The following MTCL1 variants were observed in gnomAD, a reference collection of about 807,000 sequenced individuals.
MTCL1 encodes the protein microtubule crosslinking factor 1.
MTCL1 carries 79 observed loss-of-function variants against 141.4 expected under a neutral mutation model. The observed-to-expected ratio is 0.56, with a 90% CI of 0.47 to 0.67. The LOEUF (loss-of-function observed/expected upper bound fraction) is 0.67, where lower values mean the gene tolerates loss of function less well. MTCL1 is among the 30% of genes least tolerant of loss of function. MTCL1 has a pLI of 0.00. For missense variants in MTCL1, 2,177 were observed against 2,113.9 expected, an observed-to-expected ratio of 1.03 and a Z score of -0.59; for synonymous variants, 914 against 875.8, an observed-to-expected ratio of 1.04 and a Z score of -0.77.
chr18:8,718,090 T>TAGA, intron 2 of MTCL1: 3 of 709,310 alleles, frequency 4.2e-6, no homozygotes, highest in South Asian at 3.2e-5. Context: ...TAGGTCAATG[T>TAGA]TTGGTTTGAA....
chr18:8,728,190 A>G (rs567400154), intron 4 of MTCL1, among the ~76,000 whole-genome samples: 2 of 152,268 alleles, frequency 1.3e-5, no homozygotes, highest in South Asian at 4.1e-4. Context: ...GCTTGTTTAG[A>G]TTAATTTACA....
chr18:8,832,437 A>T (rs1339167057), exon 17 of MTCL1: 1 of 154,166 alleles, frequency 6.5e-6, no homozygotes, highest in Non-Finnish European at 1.4e-5. Flanking sequence ...TATGATCCTT[A>T]TATTATCCTA....
At chr18:8,821,812 C>A (rs2144403450) in intron 14 of MTCL1, among the ~76,000 whole-genome samples, 1 of 152,252 alleles carries the variant, frequency 6.6e-6, no homozygotes, top group African/African-American at 2.4e-5. Flanking sequence ...CCTCTCTTTT[C>A]TCATTTAAAG....
At chr18:8,726,482 A>C (rs1157509147) in intron 4 of MTCL1, among the ~76,000 whole-genome samples, 1 of 114,794 alleles carries the variant, frequency 8.7e-6, no homozygotes, top group Non-Finnish European at 1.7e-5. Context: ...GGAGAGAGAG[A>C]GAGAGAGAGA....
At chr18:8,706,832 C>A in intron 1 of MTCL1, 119 bp downstream of exon 1, 2 of 1,444,820 alleles carry the variant, frequency 1.4e-6, no homozygotes, top group Non-Finnish European at 1.8e-6. Flanking sequence ...CTGCTCTCCA[C>A]GGTCCTACCC....
intron 7 of MTCL1, 44 bp downstream of exon 6, chr18:8,786,135 T>A: frequency 3.4e-6 from 3 of 879,532 alleles, no homozygotes; most frequent in Non-Finnish European, 2.8e-6. Context: ...CTCCCCCTCC[T>A]TTTTCTGTGT....
intron 6 of MTCL1, among the ~76,000 whole-genome samples, chr18:8,785,222 G>A (rs1025862512): frequency 7.9e-5 from 12 of 152,144 alleles, no homozygotes; most frequent in Non-Finnish European, 1.5e-4. Flanking sequence ...TGAAGAAGCC[G>A]TGAGGAGGCT....
exon 17 of MTCL1, chr18:8,832,032 T>C (rs972535836): frequency 5.6e-5 from 33 of 584,730 alleles, no homozygotes; most frequent in Non-Finnish European, 8.7e-5. Flanking sequence ...CAGAAAACTA[T>C]TTTTGTCTCC....
At chr18:8,767,813 A>G (rs1483119687) in intron 4 of MTCL1, among the ~76,000 whole-genome samples, 1 of 152,224 alleles carries the variant, frequency 6.6e-6, no homozygotes, top group African/African-American at 2.4e-5. Context: ...ATCTATAAAC[A>G]AAAACATAAA....
intron 4 of MTCL1, among the ~76,000 whole-genome samples, chr18:8,761,416 G>A (rs1301680304): frequency 1.3e-5 from 2 of 152,090 alleles, no homozygotes; most frequent in Non-Finnish European, 2.9e-5. Flanking sequence ...ACAGTGTTGG[G>A]CAACCATCAC....
chr18:8,762,793 A>G (rs1326401699), intron 4 of MTCL1, among the ~76,000 whole-genome samples: 1 of 152,154 alleles, frequency 6.6e-6, no homozygotes, highest in Non-Finnish European at 1.5e-5. Flanking sequence ...GGGCAGGAAA[A>G]GCAGGAGGAC....
Position 8,789,382 on chromosome 18 carries a change from A to G in MTCL1, c.1887+3291A>G, listed in dbSNP as rs141207289. 3 of 982,820 alleles carry G rather than the reference A, an allele frequency of 3.1e-6. No homozygotes were observed. In the East Asian group the frequency reaches 3.4e-4, roughly 111 times the overall value. The allele number at this position is 982,820 out of a possible 1,614,324, so 60.9% of individuals were successfully genotyped here. A position where few individuals can be genotyped will look rare whatever the true frequency, so the allele number is the denominator to read the frequency against. On this transcript the variant is annotated intron_variant, in intron 7 of 16. Transcript: ENST00000359865. ...TGGTCATGGTGATGGAATTGTCCTA[A>G]TAGAGGAGTAGCATTGCTAGGCACT... is the stretch of plus-strand genomic sequence containing the variant.
exon 6 of MTCL1, chr18:8,784,438 G>T: frequency 1.3e-6 from 2 of 1,531,238 alleles, no homozygotes. Flanking sequence ...CATGCCCCAC[G>T]GAGCTCCTGA....
chr18:8,766,310 G>A (rs1045771113), intron 4 of MTCL1, among the ~76,000 whole-genome samples: 20 of 151,562 alleles, frequency 1.3e-4, no homozygotes, highest in Admixed American at 9.2e-4. Context: ...CTGATCCACC[G>A]AGCTCCCCAC....
chr18:8,726,155 A>G (rs529173475), intron 4 of MTCL1, among the ~76,000 whole-genome samples: 1 of 151,842 alleles, frequency 6.6e-6, no homozygotes, highest in East Asian at 1.9e-4. Flanking sequence ...TATTCCCTTT[A>G]TCAGTTGGTA....
rs533528101 is a variant in MTCL1 at position 8,784,848 on chromosome 18, G to C, written c.1731+5G>C. The C allele has an allele frequency of 2.5e-6, 4 of 1,570,614 alleles. No individual in the cohort carries two copies. Among genetic ancestry groups the C allele is most frequent in the Admixed American group, 3.7e-5 (2 of 54,786 alleles). ...GAGCTGGGCCCAGACTTGCAGGTAA[G>C]GGGGCTCGTGGCTTCGCCTCCCTGC... On this transcript the variant is annotated splice_donor_5th_base_variant and intron_variant, in intron 6 of 16. Transcript: ENST00000359865.
intron 4 of MTCL1, among the ~76,000 whole-genome samples, chr18:8,770,169 A>C (rs1045700768): frequency 6.6e-6 from 1 of 152,210 alleles, no homozygotes; most frequent in Non-Finnish European, 1.5e-5. Context: ...GGTTGGGCCC[A>C]GGTTGGTGGC....
intron 4 of MTCL1, among the ~76,000 whole-genome samples, chr18:8,765,603 G>A (rs1268963635): frequency 6.6e-6 from 1 of 152,216 alleles, no homozygotes. Context: ...CACGAGGGAT[G>A]GAAGTGCCAA....
chr18:8,707,546 C>G (rs1270249756), intron 1 of MTCL1: 1 of 152,830 alleles, frequency 6.5e-6, no homozygotes, highest in Non-Finnish European at 1.5e-5. Flanking sequence ...GACGGGGTTC[C>G]CGGGGTCAGG....
Sources: gnomAD v4.1 joint callset for allele counts (sites outside exome capture counted in the v4.1 genomes callset) on GRCh38, gnomAD v4.1.1 for gene constraint, MANE v1.5 for transcripts, NCBI Gene and HGNC (gene_info 2026-07-23, HGNC 2026-07-21) for gene names.